Variants in TEAD1 observed in about 807,000 individuals in gnomAD.
TEAD1 encodes transcriptional enhancer factor TEF-1.
TEAD1 carries 9 observed loss-of-function variants against 54.9 expected under a neutral mutation model. The observed-to-expected ratio is 0.16, with a 90% CI of 0.10 to 0.29. The LOEUF (loss-of-function observed/expected upper bound fraction) is 0.29. Among genes scored for constraint, TEAD1 ranks in the 10% least tolerant of loss-of-function variants. TEAD1 has a pLI of 1.00. For synonymous variants in TEAD1, 200 were observed against 187.8 expected (o/e 1.07, Z -0.53); for missense variants, 387 against 535.9 (o/e 0.72, Z 2.74).
chr11:12,879,755 C>T lies in TEAD1; in HGVS notation c.378C>T (p.Ser126=). The change falls in exon 6 of 13, where the codon TCC becomes TCT. Residue 126 remains serine, a synonymous_variant. Coordinates refer to ENST00000527636, the MANE Select transcript of TEAD1 (RefSeq NM_021961.6). The stretch of plus-strand genomic sequence containing the variant: ...CCCTGCAGCACATGGCGGCCATGTC[C>T]TCAGCCCAGATCGTCTCGGCCACTG... The T allele has an allele frequency of 6.2e-7, 1 of 1,614,198 alleles. No homozygotes were observed. Among genetic ancestry groups the T allele is most frequent in the East Asian group, 2.2e-5 (1 of 44,882 alleles).
At chr11:12,887,059 A>C (rs1948100921) in intron 9 of TEAD1, among the ~76,000 whole-genome samples, 1 of 150,642 alleles carries the variant, frequency 6.6e-6, no homozygotes. Flanking sequence ...TAATATATGC[A>C]AATGAATGTG....
At chr11:12,787,318 C>CA (rs1590151262) in intron 3 of TEAD1, among the ~76,000 whole-genome samples, 1 of 151,962 alleles carries the variant, frequency 6.6e-6, no homozygotes, top group African/African-American at 2.4e-5. Flanking sequence ...CATTCCTACT[C>CA]AAAAAAGGGA....
chr11:12,749,680 G>A (rs957300609), intron 2 of TEAD1, among the ~76,000 whole-genome samples: 7 of 152,206 alleles, frequency 4.6e-5, no homozygotes, highest in Admixed American at 4.6e-4. Context: ...CTCTTGGACT[G>A]GGCGTCTTGC....
intron 2 of TEAD1, among the ~76,000 whole-genome samples, chr11:12,719,106 C>G (rs1944125696): frequency 6.6e-6 from 1 of 151,802 alleles, no homozygotes; most frequent in Admixed American, 6.6e-5. Flanking sequence ...GGTGACATTT[C>G]CAGGAATCAG....
intron 6 of TEAD1, among the ~76,000 whole-genome samples, chr11:12,880,724 C>T (rs1045334265): frequency 9.2e-5 from 14 of 152,346 alleles, no homozygotes; most frequent in Admixed American, 3.3e-4. Context: ...CTGCAGCACG[C>T]GCAGATCTTT....
intron 2 of TEAD1, among the ~76,000 whole-genome samples, chr11:12,721,650 A>C (rs1944202133): frequency 6.6e-6 from 1 of 152,250 alleles, no homozygotes; most frequent in African/African-American, 2.4e-5. Flanking sequence ...CTAAGCATGG[A>C]CATGTGAAAT....
At chr11:12,842,656 T>A (rs188298163) in intron 3 of TEAD1, among the ~76,000 whole-genome samples, 1 of 152,354 alleles carries the variant, frequency 6.6e-6, no homozygotes, top group East Asian at 1.9e-4. Context: ...GGCAAGCATG[T>A]CTGAAGGCCG....
chr11:12,801,657 C>T (rs1049098584), intron 3 of TEAD1, among the ~76,000 whole-genome samples: 2 of 152,148 alleles, frequency 1.3e-5, no homozygotes, highest in Non-Finnish European at 2.9e-5. Context: ...CTTCCAAAGC[C>T]CATGCTCTTA....
chr11:12,938,047 T>C lies in TEAD1; in HGVS notation c.*825T>C, dbSNP rs1368107197. On this transcript the variant is annotated 3_prime_UTR_variant, in exon 13 of 13. Coordinates refer to ENST00000527636, the MANE Select transcript of TEAD1 (RefSeq NM_021961.6). ...GGATTATTTAATGAAAAAGAAAAAA[T>C]GGCTCTTTTTGCAATAAGTAGATAC... The C allele has an allele frequency of 1.3e-5, 2 of 152,520 alleles. No homozygotes were observed. The highest frequency in any genetic ancestry group is 3.8e-4 in the East Asian group (2 of 5,198). 9.4% of individuals were successfully genotyped at this position (152,520 alleles called of 1,614,324 possible).
At chr11:12,740,864 G>A (rs1295835897) in intron 2 of TEAD1, among the ~76,000 whole-genome samples, 1 of 152,114 alleles carries the variant, frequency 6.6e-6, no homozygotes, top group African/African-American at 2.4e-5. Context: ...GGATCCTGAT[G>A]ATAAAGGATT....
chr11:12,728,925 G>A (rs967367784), intron 2 of TEAD1, among the ~76,000 whole-genome samples: 1 of 152,232 alleles, frequency 6.6e-6, no homozygotes, highest in Non-Finnish European at 1.5e-5. Context: ...GCTATTGTGT[G>A]GGTGGTTTCT....
chr11:12,749,937 G>A (rs1944832325), intron 2 of TEAD1, among the ~76,000 whole-genome samples: 1 of 152,126 alleles, frequency 6.6e-6, no homozygotes, highest in Admixed American at 6.5e-5. Context: ...GGTGCGGGTG[G>A]GGCTTTAATT....
At chr11:12,804,155 G>C (rs1371949555) in intron 3 of TEAD1, among the ~76,000 whole-genome samples, 1 of 152,232 alleles carries the variant, frequency 6.6e-6, no homozygotes, top group East Asian at 1.9e-4. Context: ...TGGAAAGACT[G>C]TGCTTTGTGA....
chr11:12,770,461 G>A (rs1945291401), intron 3 of TEAD1, among the ~76,000 whole-genome samples: 1 of 152,224 alleles, frequency 6.6e-6, no homozygotes, highest in Admixed American at 6.5e-5. Flanking sequence ...GGCCTGCACT[G>A]TGCTTTGAAT....
intron 10 of TEAD1, among the ~76,000 whole-genome samples, chr11:12,904,614 G>A (rs1394802087): frequency 2.0e-5 from 3 of 152,056 alleles, no homozygotes; most frequent in African/African-American, 7.2e-5. Flanking sequence ...ATGTAAAGCA[G>A]CACTACCTGT....
chr11:12,801,595 A>G (rs1466803795), intron 3 of TEAD1, among the ~76,000 whole-genome samples: 2 of 152,228 alleles, frequency 1.3e-5, no homozygotes, highest in African/African-American at 4.8e-5. Context: ...AGGGGTTTTC[A>G]CAGATAGTGC....
At chr11:12,770,037 A>C (rs1055733854) in intron 3 of TEAD1, among the ~76,000 whole-genome samples, 1 of 152,238 alleles carries the variant, frequency 6.6e-6, no homozygotes, top group African/African-American at 2.4e-5. Context: ...GAGAAAGAAG[A>C]AGCCCTATTT....
At chr11:12,828,674 A>T (rs1443766865) in intron 3 of TEAD1, among the ~76,000 whole-genome samples, 2 of 80,178 alleles carry the variant, frequency 2.5e-5, no homozygotes. Flanking sequence ...TTTTTAACTG[A>T]GTGATTTTTT....
At chr11:12,737,197 GTT>G (rs752772225) in intron 2 of TEAD1, among the ~76,000 whole-genome samples, 47 of 152,170 alleles carry the variant, frequency 3.1e-4, no homozygotes, top group Non-Finnish European at 4.9e-4. Flanking sequence ...TTACATTATT[GTT>G]GTATCTTATC....
Sources: allele counts gnomAD v4.1 joint callset (sites outside exome capture counted in the v4.1 genomes callset), GRCh38; gene constraint gnomAD v4.1.1; transcripts MANE v1.5; gene names NCBI Gene and HGNC (gene_info 2026-07-23, HGNC 2026-07-21).